Variants in GOLGA4 observed in about 807,000 individuals in gnomAD.
GOLGA4 encodes the protein golgin A4, also known as golgin subfamily A member 4.
In GOLGA4, 169 loss-of-function variants were observed where a neutral mutation model predicts 265.9. The ratio of observed to expected loss-of-function variants is 0.64; its 90% CI spans 0.56 to 0.72. The LOEUF (loss-of-function observed/expected upper bound fraction) is 0.72. GOLGA4 is among the 30% of genes least tolerant of loss of function. GOLGA4 has a pLI of 0.00. For synonymous variants in GOLGA4, 923 were observed against 855.8 expected (o/e 1.08, Z -1.37); for missense variants, 2,482 against 2,483.4 (o/e 1.00, Z 0.01).
At chr3:37,319,543 A>G (rs2096948932) in intron 12 of GOLGA4, 1 of 154,964 alleles carries the variant, frequency 6.5e-6, no homozygotes, top group Non-Finnish European at 1.4e-5. Context: ...AGCTGGGACT[A>G]CAGGTGCACA....
chr3:37,260,061 G>T (rs562065081), intron 2 of GOLGA4, among the ~76,000 whole-genome samples: 1 of 151,578 alleles, frequency 6.6e-6, no homozygotes, highest in South Asian at 2.1e-4. Context: ...TTTTACAGGG[G>T]TGTCTAATCT....
In GOLGA4 at chr3:37,326,066, G is replaced by A; in HGVS notation, c.4180G>A (p.Ala1394Thr). 6.2e-7 allele frequency: 1 copy of A among 1,613,292 alleles called. No homozygotes were observed. Among genetic ancestry groups the A allele is most frequent in the Non-Finnish European group, 8.5e-7 (1 of 1,179,326 alleles). Residue 1394 changes from alanine to threonine, a missense_variant, in exon 14 of 24, where the codon GCA becomes ACA. Transcript: ENST00000361924. The part of the protein sequence containing the change: ...QNSISLSEKE[A>T]AISSLRKQYD... ...TAGCATCAGCCTATCCGAAAAAGAA[G>A]CAGCCATTTCATCACTAAGAAAGCA...
intron 23 of GOLGA4, among the ~76,000 whole-genome samples, chr3:37,365,303 CTG>C (rs1696662064): frequency 6.6e-6 from 1 of 151,716 alleles, no homozygotes; most frequent in African/African-American, 2.4e-5. Flanking sequence ...GTCTCTCACT[CTG>C]TTGCCCAGGC....
chr3:37,335,008 T>TC, intron 16 of GOLGA4, 45 bp from the exon 17 acceptor site: 1 of 1,009,800 alleles, frequency 9.9e-7, no homozygotes, highest in Non-Finnish European at 1.5e-6. Context: ...TACTAATGCT[T>TC]CTTTTTTTTC....
intron 22 of GOLGA4, among the ~76,000 whole-genome samples, chr3:37,358,365 C>T (rs1167067492): frequency 1.3e-5 from 2 of 152,120 alleles, no homozygotes; most frequent in Non-Finnish European, 2.9e-5. Flanking sequence ...AACCTCATTA[C>T]AGGATACAAG....
At position 37,324,257 on chromosome 3, in the gene GOLGA4, G is replaced by A. The variant is rs1157600380; in HGVS notation, c.2371G>A (p.Gly791Arg). ...AGAGGCAGATATTAAAAGGTCTGAA[G>A]GGGAACTCCAGCAGGCATCTGCTAA... Reference protein sequence around the residue: ...NLEADIKRSEGELQQASAKLD... With the variant: ...NLEADIKRSERELQQASAKLD... The change falls in exon 14 of 24, where the codon GGG becomes AGG. Residue 791 changes from glycine (G) to arginine (R), a missense_variant. By Grantham distance (125) the Gly-to-Arg change is moderately radical. Coordinates refer to ENST00000361924, the MANE Select transcript of GOLGA4 (RefSeq NM_002078.5). 11 of 1,614,162 alleles carry A rather than the reference G, an allele frequency of 6.8e-6. No individual in the cohort carries two copies. The highest frequency in any genetic ancestry group is 8.5e-6 in the Non-Finnish European group (10 of 1,180,024).
intron 2 of GOLGA4, among the ~76,000 whole-genome samples, chr3:37,278,837 G>GGCTGT: frequency 7.0e-6 from 1 of 142,110 alleles, no homozygotes; most frequent in Non-Finnish European, 1.5e-5. Context: ...TTTTGAGACA[G>GGCTGT]AGTCTCTCTG....
At position 37,323,910 on chromosome 3, in the gene GOLGA4, C is replaced by T. The variant is rs1304513275; in HGVS notation, c.2024C>T (p.Thr675Ile). 1.2e-6 allele frequency: 2 copies of T among 1,613,484 alleles called. No individual in the cohort carries two copies. The highest frequency in any genetic ancestry group is 1.7e-6 in the Non-Finnish European group (2 of 1,179,860). The change falls in exon 14 of 24, where the codon ACT becomes ATT. Residue 675 changes from threonine to isoleucine, a missense_variant. Around this residue, in one of 3 missense-constraint regions of GOLGA4, gnomAD observed 1,536 missense variants for 1,483.7 expected, o/e 1.04. Coordinates refer to ENST00000361924, the MANE Select transcript of GOLGA4 (RefSeq NM_002078.5). ...CACATAGAAGAAATGAATGAAAAGA[C>T]TTTAGAAAAGCTTGATGTGAAGCAA... The part of the protein sequence containing the change: ...QAHIEEMNEK[T>I]LEKLDVKQTE...
chr3:37,286,715 A>G (rs1463194731), intron 4 of GOLGA4, among the ~76,000 whole-genome samples: 1 of 152,178 alleles, frequency 6.6e-6, no homozygotes, highest in Non-Finnish European at 1.5e-5. Context: ...GTAAAGACAT[A>G]TCTAACCTTC....
chr3:37,332,915 GTTAC>G (rs1322062977), intron 16 of GOLGA4, among the ~76,000 whole-genome samples: 1 of 151,446 alleles, frequency 6.6e-6, no homozygotes, highest in Non-Finnish European at 1.5e-5. Context: ...ATATATATTT[GTTAC>G]TTATGTGATT....
At chr3:37,305,871 G>A (rs2096904647) in intron 10 of GOLGA4, among the ~76,000 whole-genome samples, 1 of 152,124 alleles carries the variant, frequency 6.6e-6, no homozygotes, top group African/African-American at 2.4e-5. Context: ...ACTTATTCTG[G>A]ATGTCAAAAT....
chr3:37,275,616 C>T, intron 2 of GOLGA4: 1 of 1,542,168 alleles, frequency 6.5e-7, no homozygotes. Context: ...GGGGGTCGCT[C>T]CTGCTGTGTC....
In GOLGA4 at chr3:37,324,852, C is replaced by A; in HGVS notation, c.2966C>A (p.Ala989Asp). 1 of 1,593,894 alleles carries A rather than the reference C, an allele frequency of 6.3e-7. No individual in the cohort carries two copies. ...CTTAAGAAAGAGCTTGAAAATACTG[C>A]TCTAGAGCTTAGTCAGAAAGAAAAA... ...AKLKKELENT[A>D]LELSQKEKQF... The change falls in exon 14 of 24, where the codon GCT becomes GAT. Residue 989 changes from alanine to aspartate, a missense_variant. Transcript: ENST00000361924.
rs1400236978 is a variant in GOLGA4, at chr3:37,360,308, C to G, written c.6664-935C>G. ...ACCAGTTTCCTCCTCATTCCATTTA[C>G]TTATGTTTTCAAGATTTTCAGTACT... is the stretch of plus-strand genomic sequence containing the variant. On this transcript the variant is annotated intron_variant, in intron 22 of 23. Transcript: ENST00000361924. 2.0e-5 allele frequency among the ~76,000 whole-genome samples: 3 copies of G among 152,202 alleles called. No homozygotes were observed. The East Asian group carries it at 5.8e-4, about 29-fold the overall frequency.
intron 7 of GOLGA4, among the ~76,000 whole-genome samples, chr3:37,297,191 G>C (rs1294076446): frequency 6.6e-6 from 1 of 152,154 alleles, no homozygotes; most frequent in African/African-American, 2.4e-5. Context: ...TGAGGCTTGA[G>C]GTATATACGC....
chr3:37,331,028 C>CT, intron 16 of GOLGA4, among the ~76,000 whole-genome samples: 1 of 121,412 alleles, frequency 8.2e-6, no homozygotes, highest in Non-Finnish European at 1.7e-5. Flanking sequence ...GAGACTCCGT[C>CT]TCAAAAAAAA....
intron 5 of GOLGA4, among the ~76,000 whole-genome samples, chr3:37,291,545 T>G (rs1193230275): frequency 6.6e-6 from 1 of 152,222 alleles, no homozygotes; most frequent in African/African-American, 2.4e-5. Context: ...ATCTACTCAG[T>G]TGCAGCTGTT....
At position 37,323,791 on chromosome 3, in the gene GOLGA4, G is replaced by A. The variant is rs1256739514; in HGVS notation, c.1905G>A (p.Lys635=). ...GGACTGAAAAACTCCAAGTCTTAAA[G>A]CAACAATATCAGACTGAAATGGAAA... ...ALWTEKLQVL[K]QQYQTEMEKL... is the part of the protein sequence containing the mutation. Residue 635 remains lysine (K), a synonymous_variant, in exon 14 of 24, where the codon AAG becomes AAA. Transcript: ENST00000361924. 4.3e-6 allele frequency: 7 copies of A among 1,609,352 alleles called. No individual in the cohort carries two copies. Among genetic ancestry groups the A allele is most frequent in the Non-Finnish European group, 5.1e-6 (6 of 1,178,890 alleles).
chr3:37,330,771 T>C lies in GOLGA4; in HGVS notation c.6192+1678T>C, dbSNP rs575725495. Among the ~76,000 whole-genome samples the C allele has an allele frequency of 1.2e-4, 18 of 152,250 alleles. No homozygotes were observed. The East Asian group carries it at 3.3e-3, about 28-fold the overall frequency. ...GGCCAGGCACGGTGGCTCATGCCTG[T>C]AATTCCAGCACTTTGGGAGGCCAAG... On this transcript the variant is annotated intron_variant, in intron 16 of 23. Coordinates refer to ENST00000361924, the MANE Select transcript of GOLGA4 (RefSeq NM_002078.5).
Sources: allele counts gnomAD v4.1 joint callset (sites outside exome capture counted in the v4.1 genomes callset), GRCh38; gene constraint gnomAD v4.1.1; regional missense constraint gnomAD v4.1.1; transcripts MANE v1.5; gene names NCBI Gene and HGNC (gene_info 2026-07-23, HGNC 2026-07-21).